Variants in TDRD3 observed in about 807,000 individuals in gnomAD.
TDRD3 encodes tudor domain containing 3.
In TDRD3, 45 loss-of-function variants were observed where a neutral mutation model predicts 86.7. That is an observed-to-expected ratio of 0.52 (90% confidence interval 0.41 to 0.67). The LOEUF is 0.67. Ranked by LOEUF, TDRD3 falls within the 30% of genes least tolerant of loss-of-function variation. The pLI is 0.00. For missense variants in TDRD3, 814 were observed against 889.0 expected (o/e 0.92, Z 1.07); for synonymous variants, 298 against 301.7 (o/e 0.99, Z 0.13).
Position 60,503,065 on chromosome 13 carries a change from T to A in TDRD3, c.859-6698T>A, listed in dbSNP as rs182025747. Among the ~76,000 whole-genome samples the A allele has an allele frequency of 1.5e-3, 228 of 152,340 alleles. 1 individual carries two copies. The highest frequency in any genetic ancestry group is 4.0e-3 in the Admixed American group (61 of 15,302). On this transcript the variant is annotated intron_variant, in intron 8 of 13. Transcript: ENST00000377881. ...GGCTGTAAATCGTTCAAAATAAGTT[T>A]CCTTGACTCTGAAAGACAAACAAGG...
intron 11 of TDRD3, among the ~76,000 whole-genome samples, chr13:60,533,640 CA>C (rs143596337): frequency 6.7e-6 from 1 of 148,760 alleles, no homozygotes; most frequent in Non-Finnish European, 1.5e-5. Flanking sequence ...GACTCTGTCT[CA>C]AAAAAAAAGA....
chr13:60,493,911 A>AT (rs1452975335), intron 7 of TDRD3, among the ~76,000 whole-genome samples: 3 of 152,260 alleles, frequency 2.0e-5, no homozygotes, highest in African/African-American at 4.8e-5. Context: ...AAGCTTTTAT[A>AT]TGCAGTCGGT....
intron 5 of TDRD3, among the ~76,000 whole-genome samples, chr13:60,475,431 T>C (rs917668798): frequency 6.6e-6 from 1 of 152,238 alleles, no homozygotes; most frequent in African/African-American, 2.4e-5. Context: ...TATTTCATTC[T>C]TATTTATGGC....
intron 10 of TDRD3, among the ~76,000 whole-genome samples, chr13:60,526,923 C>T (rs1957451570): frequency 6.6e-6 from 1 of 152,056 alleles, no homozygotes; most frequent in African/African-American, 2.4e-5. Flanking sequence ...CAACCTCCAT[C>T]TCCCAGGTTC....
At chr13:60,570,018 G>C (rs1477187799) in intron 13 of TDRD3, among the ~76,000 whole-genome samples, 3 of 152,162 alleles carry the variant, frequency 2.0e-5, no homozygotes, top group African/African-American at 4.8e-5. Flanking sequence ...AAAACTTTTT[G>C]AGTAAGACCT....
intron 1 of TDRD3, among the ~76,000 whole-genome samples, chr13:60,399,439 G>A (rs1281942661): frequency 1.3e-5 from 2 of 152,230 alleles, no homozygotes; most frequent in Non-Finnish European, 2.9e-5. Context: ...GGAATTGTGA[G>A]TTTCATGTAA....
intron 7 of TDRD3, 93 bp from the exon 8 acceptor site, chr13:60,494,338 CTTAA>C (rs1956665932): frequency 1.6e-6 from 2 of 1,250,294 alleles, no homozygotes. Flanking sequence ...AATTAGGAAA[CTTAA>C]TTACTTCAGT....
intron 12 of TDRD3, among the ~76,000 whole-genome samples, chr13:60,562,620 T>C (rs959602071): frequency 5.3e-5 from 8 of 152,180 alleles, no homozygotes; most frequent in African/African-American, 1.9e-4. Context: ...GAAGGAGATA[T>C]GTACTCATTA....
intron 12 of TDRD3, among the ~76,000 whole-genome samples, chr13:60,558,100 C>T (rs1366551038): frequency 6.6e-6 from 1 of 152,124 alleles, no homozygotes; most frequent in Non-Finnish European, 1.5e-5. Flanking sequence ...GGATTACTGG[C>T]GTGAGCCACT....
chr13:60,525,122 C>A (rs1595068243), intron 10 of TDRD3, among the ~76,000 whole-genome samples: 1 of 133,796 alleles, frequency 7.5e-6, no homozygotes, highest in Admixed American at 7.5e-5. Flanking sequence ...CCACAATTTT[C>A]ACTTTCTACC....
Position 60,535,104 on chromosome 13 carries a change from T to C in TDRD3, c.1993-4T>C. On this transcript the variant is annotated splice_region_variant and splice_polypyrimidine_tract_variant and intron_variant, in intron 11 of 13. Coordinates refer to ENST00000377881, the MANE Select transcript of TDRD3 (RefSeq NM_001146070.2). ...CATATTTAAAACTCCTTTTGCCTCC[T>C]CAGTTTTACCGGGCAGAAGTTGAAG... 1 of 1,613,414 alleles carries C rather than the reference T, an allele frequency of 6.2e-7. No homozygotes were observed. Among genetic ancestry groups the C allele is most frequent in the Non-Finnish European group, 8.5e-7 (1 of 1,179,694 alleles).
At chr13:60,424,504 C>G (rs573629025) in intron 1 of TDRD3, among the ~76,000 whole-genome samples, 2 of 151,896 alleles carry the variant, frequency 1.3e-5, no homozygotes, top group African/African-American at 4.8e-5. Context: ...TGGCAAAACC[C>G]CTTCTCTACT....
intron 12 of TDRD3, among the ~76,000 whole-genome samples, chr13:60,548,832 C>G (rs185235739): frequency 9.2e-5 from 14 of 152,172 alleles, no homozygotes; most frequent in African/African-American, 3.4e-4. Context: ...ATTATTTTTT[C>G]CCAACACTTA....
chr13:60,452,181 C>T (rs546797070), intron 3 of TDRD3, among the ~76,000 whole-genome samples: 15 of 152,058 alleles, frequency 9.9e-5, no homozygotes, highest in Non-Finnish European at 1.6e-4. Flanking sequence ...TATATCTCTT[C>T]CTTTATTTTT....
intron 1 of TDRD3, among the ~76,000 whole-genome samples, chr13:60,402,150 T>A (rs1954118737): frequency 6.6e-6 from 1 of 152,190 alleles, no homozygotes; most frequent in Non-Finnish European, 1.5e-5. Context: ...AGAGGCTTCT[T>A]CTCAAACACA....
intron 10 of TDRD3, among the ~76,000 whole-genome samples, chr13:60,524,244 C>T (rs1050978849): frequency 1.3e-5 from 2 of 152,004 alleles, no homozygotes; most frequent in Admixed American, 6.6e-5. Context: ...GCACGGGGCT[C>T]ATGGTAATCC....
Position 60,569,777 on chromosome 13 carries a change from G to A in TDRD3, c.*9+2127G>A, listed in dbSNP as rs533909443. On this transcript the variant is annotated intron_variant, in intron 13 of 13. Coordinates refer to ENST00000377881, the MANE Select transcript of TDRD3 (RefSeq NM_001146070.2). ...CCAGAAATAAAGCTCTATATTTACA[G>A]CCAACTCATTCTTGACATAGGTGCC... Among the ~76,000 whole-genome samples the A allele has an allele frequency of 5.9e-5, 9 of 152,212 alleles. No homozygotes were observed. In the South Asian group the frequency reaches 1.9e-3, roughly 32 times the overall value.
chr13:60,516,947 A>G (rs1957186005), intron 10 of TDRD3, among the ~76,000 whole-genome samples: 1 of 152,152 alleles, frequency 6.6e-6, no homozygotes, highest in Admixed American at 6.5e-5. Context: ...GACTCTTCTC[A>G]TTGGCAGGAT....
At chr13:60,412,770 T>A (rs1439758950) in intron 1 of TDRD3, among the ~76,000 whole-genome samples, 1 of 152,170 alleles carries the variant, frequency 6.6e-6, no homozygotes, top group Non-Finnish European at 1.5e-5. Flanking sequence ...TGAATTGGAC[T>A]GTTAGTGGTC....
Sources: gnomAD v4.1 joint callset for allele counts (sites outside exome capture counted in the v4.1 genomes callset) on GRCh38, gnomAD v4.1.1 for gene constraint, MANE v1.5 for transcripts, NCBI Gene and HGNC (gene_info 2026-07-23, HGNC 2026-07-21) for gene names.